The following DNAJC13 variants were observed in gnomAD, a reference collection of about 807,000 sequenced individuals.
DNAJC13 encodes DnaJ heat shock protein family (Hsp40) member C13, also known as dnaJ homolog subfamily C member 13.
A neutral mutation model predicts 290.5 loss-of-function variants in DNAJC13; 75 were observed. The ratio of observed to expected loss-of-function variants is 0.26; its 90% CI spans 0.21 to 0.31. The LOEUF is 0.31. DNAJC13 is among the 10% of genes least tolerant of loss of function. The probability of loss-of-function intolerance (pLI) is 1.00; values close to 1 mark genes in which losing one functional copy is unlikely to be tolerated. For synonymous variants in DNAJC13, 862 were observed against 892.0 expected (o/e 0.97, Z 0.60); for missense variants, 2,260 against 2,674.5 (o/e 0.85, Z 3.42).
intron 40 of DNAJC13, among the ~76,000 whole-genome samples, chr3:132,502,782 A>G (rs1469165467): frequency 6.6e-6 from 1 of 152,246 alleles, no homozygotes; most frequent in East Asian, 1.9e-4. Flanking sequence ...TAATGTTACC[A>G]TCAGGCAGTT....
chr3:132,515,991 A>T (rs940389616), intron 46 of DNAJC13, among the ~76,000 whole-genome samples: 3 of 152,208 alleles, frequency 2.0e-5, no homozygotes, highest in Non-Finnish European at 4.4e-5. Context: ...ATTATGTCTT[A>T]GAATGGAACC....
chr3:132,466,420 C>A, intron 19 of DNAJC13, 26 bp downstream of exon 19: 1 of 1,541,560 alleles, frequency 6.5e-7, no homozygotes, highest in Non-Finnish European at 8.7e-7. Flanking sequence ...CCAAGTGTGC[C>A]TTTTTTAGGA....
chr3:132,460,120 T>C (rs539582412), intron 13 of DNAJC13, 130 bp from the exon 14 acceptor site: 1 of 514,086 alleles, frequency 1.9e-6, no homozygotes, highest in African/African-American at 2.0e-5. Context: ...CCTTTTTGCC[T>C]TACACTTTAA....
intron 1 of DNAJC13, among the ~76,000 whole-genome samples, chr3:132,419,355 T>C (rs1938889652): frequency 1.3e-5 from 2 of 151,948 alleles, no homozygotes; most frequent in Non-Finnish European, 2.9e-5. Flanking sequence ...ATGTTATATA[T>C]TGTTAACAAG....
At chr3:132,437,786 C>T (rs1402541016) in intron 2 of DNAJC13, among the ~76,000 whole-genome samples, 7 of 152,034 alleles carry the variant, frequency 4.6e-5, no homozygotes, top group African/African-American at 1.7e-4. Context: ...TTGGGTATTC[C>T]TGGTCTCTTG....
intron 3 of DNAJC13, among the ~76,000 whole-genome samples, chr3:132,447,048 T>C (rs1218884292): frequency 6.6e-6 from 1 of 152,166 alleles, no homozygotes; most frequent in South Asian, 2.1e-4. Context: ...AATTTTTAAG[T>C]AGTCATAAAA....
In DNAJC13 at chr3:132,496,678, C is replaced by G. The variant is rs768973642; in HGVS notation, c.4156+15C>G. Reference sequence around the variant, plus strand: ...TCATAAAGAAGGTAAGATGTCTGTTCTCAGATTTTAATTTATCCTCCAGCT... The same window carrying G: ...TCATAAAGAAGGTAAGATGTCTGTTGTCAGATTTTAATTTATCCTCCAGCT... On this transcript the variant is annotated intron_variant, in intron 36 of 55. Coordinates refer to ENST00000260818, the MANE Select transcript of DNAJC13 (RefSeq NM_015268.4). 1.9e-6 allele frequency: 3 copies of G among 1,587,306 alleles called. No individual in the cohort carries two copies. In the South Asian group the frequency reaches 3.5e-5, roughly 19 times the overall value.
At chr3:132,493,161 A>G (rs1054031947) in intron 33 of DNAJC13, among the ~76,000 whole-genome samples, 1 of 150,434 alleles carries the variant, frequency 6.6e-6, no homozygotes, top group South Asian at 2.1e-4. Context: ...GTAAGAGGCA[A>G]TGAGTGCGAC....
chr3:132,460,224 C>T (rs758462930), intron 13 of DNAJC13, 26 bp from the exon 14 acceptor site: 2 of 1,463,850 alleles, frequency 1.4e-6, no homozygotes, highest in Non-Finnish European at 1.9e-6. Context: ...TATGAATTAT[C>T]ACTGTTTTTT....
chr3:132,499,221 T>C lies in DNAJC13; in HGVS notation c.4252T>C (p.Leu1418=), dbSNP rs1935335354. 2.5e-6 allele frequency: 4 copies of C among 1,614,138 alleles called. No individual in the cohort carries two copies. The highest frequency in any genetic ancestry group is 3.4e-6 in the Non-Finnish European group (4 of 1,179,972). The stretch of plus-strand genomic sequence containing the variant: ...CCTCCTTTTCTCAAAAGAATCACCA[T>C]TGTTGCCTGCGGCTACAGAGCTAGC... The part of the protein sequence containing the change: ...DDLLFSKESP[L]LPAATELAFH... The change falls in exon 37 of 56, where the codon TTG becomes CTG. Residue 1418 remains leucine (L), a synonymous_variant. Coordinates refer to ENST00000260818, the MANE Select transcript of DNAJC13 (RefSeq NM_015268.4).
intron 1 of DNAJC13, among the ~76,000 whole-genome samples, chr3:132,427,131 A>ATT (rs1388876059): frequency 8.7e-5 from 12 of 137,358 alleles, no homozygotes; most frequent in African/African-American, 3.5e-4. Context: ...ATATATATAT[A>ATT]TATTTTTTTT....
intron 2 of DNAJC13, 35 bp from the exon 3 acceptor site, chr3:132,446,440 T>A (rs1416471803): frequency 2.0e-6 from 3 of 1,511,192 alleles, no homozygotes; most frequent in Non-Finnish European, 2.7e-6. Context: ...TCTTTTTGTT[T>A]AAAACTAAAT....
At chr3:132,505,765 G>A (rs1935563655) in intron 42 of DNAJC13, among the ~76,000 whole-genome samples, 1 of 151,982 alleles carries the variant, frequency 6.6e-6, no homozygotes, top group African/African-American at 2.4e-5. Flanking sequence ...CCACCTTTTA[G>A]TGGAGAAGCT....
intron 9 of DNAJC13, among the ~76,000 whole-genome samples, chr3:132,455,022 A>G (rs934003488): frequency 6.6e-6 from 1 of 152,200 alleles, no homozygotes; most frequent in African/African-American, 2.4e-5. Context: ...AAGAAGAAAA[A>G]AAGGTTGTTA....
chr3:132,465,011 C>G (rs1380298834), intron 17 of DNAJC13, among the ~76,000 whole-genome samples: 2 of 152,112 alleles, frequency 1.3e-5, no homozygotes, highest in African/African-American at 4.8e-5. Context: ...AATGTTATCT[C>G]TTTTGTCCCT....
chr3:132,438,390 G>A (rs1014096141), intron 2 of DNAJC13, among the ~76,000 whole-genome samples: 2 of 152,132 alleles, frequency 1.3e-5, no homozygotes, highest in Admixed American at 6.5e-5. Context: ...GTACTCATCA[G>A]CAGTGTTAAT....
In DNAJC13 at chr3:132,516,839, A is replaced by C. The variant is rs765637438; in HGVS notation, c.5673+23A>C. The C allele has an allele frequency of 3.1e-5, 48 of 1,543,222 alleles. No homozygotes were observed. In the East Asian group the frequency reaches 3.6e-4, roughly 12 times the overall value. On this transcript the variant is annotated intron_variant, in intron 48 of 55. Transcript: ENST00000260818. ...AAGGTAGGCACAAAATAAGTTCTTG[A>C]AAGGAAATTAATTATTAAAGCATTG...
At chr3:132,459,521 T>C (rs1238883243) in intron 13 of DNAJC13, among the ~76,000 whole-genome samples, 1 of 152,096 alleles carries the variant, frequency 6.6e-6, no homozygotes, top group African/African-American at 2.4e-5. Context: ...TGCCCAACAA[T>C]GTGAATGCTT....
In DNAJC13 at chr3:132,453,660, C is replaced by T. The variant is rs1415842098; in HGVS notation, c.806C>T (p.Thr269Ile). 1 of 1,613,312 alleles carries T rather than the reference C, an allele frequency of 6.2e-7. No homozygotes were observed. Among genetic ancestry groups the T allele is most frequent in the South Asian group, 1.1e-5 (1 of 90,824 alleles). ...ETCLVERDPA[T>I]YNIATLKPLG... ...TGTTTAGTAGAACGTGATCCGGCAA[C>T]CTATAATATTGCAACATTGAAGCCT... is the stretch of plus-strand genomic sequence containing the variant. Residue 269 changes from threonine to isoleucine, a missense_variant, in exon 8 of 56, where the codon ACC (threonine) becomes ATC (isoleucine). By Grantham distance (89) the Thr-to-Ile change is moderately conservative. This residue lies in a region of DNAJC13 where 762 missense variants were observed against 964.1 expected (regional missense o/e 0.79). Transcript: ENST00000260818.
Sources: allele counts gnomAD v4.1 joint callset (sites outside exome capture counted in the v4.1 genomes callset), GRCh38; gene constraint gnomAD v4.1.1; regional missense constraint gnomAD v4.1.1; transcripts MANE v1.5; gene names NCBI Gene and HGNC (gene_info 2026-07-23, HGNC 2026-07-21).